NXPH1: variants seen among roughly 807,000 people sequenced by gnomAD.
NXPH1 encodes the protein neurexophilin-1.
NXPH1 carries 5 observed loss-of-function variants against 23.7 expected under a neutral mutation model. That is an observed-to-expected ratio of 0.21 (90% CI 0.11 to 0.44). NXPH1 has a LOEUF of 0.44. Among genes scored for constraint, NXPH1 ranks in the 20% least tolerant of loss-of-function variants. The pLI is 0.99. For synonymous variants in NXPH1, 144 were observed against 122.2 expected (o/e 1.18, Z -1.18); for missense variants, 324 against 321.6 (o/e 1.01, Z -0.06).
At chr7:8,462,686 T>C (rs1816715651) in intron 2 of NXPH1, among the ~76,000 whole-genome samples, 1 of 152,370 alleles carries the variant, frequency 6.6e-6, no homozygotes, top group Non-Finnish European at 1.5e-5. Flanking sequence ...GATCCCACAA[T>C]GTATAGATAT....
At chr7:8,667,937 ATTCT>A (rs1386136724) in intron 2 of NXPH1, among the ~76,000 whole-genome samples, 1 of 151,686 alleles carries the variant, frequency 6.6e-6, no homozygotes, top group East Asian at 1.9e-4. Flanking sequence ...GAGTTCACAG[ATTCT>A]TTCTTCTGCT....
chr7:8,612,351 G>A (rs1357579997), intron 2 of NXPH1, among the ~76,000 whole-genome samples: 1 of 151,422 alleles, frequency 6.6e-6, no homozygotes, highest in East Asian at 1.9e-4. Context: ...CTGCAATAAA[G>A]GCTGTTTTGG....
chr7:8,613,458 C>A (rs538603685), intron 2 of NXPH1, among the ~76,000 whole-genome samples: 1 of 151,928 alleles, frequency 6.6e-6, no homozygotes. Context: ...TAATTTCTTT[C>A]TTTGATTCCT....
chr7:8,641,480 A>G (rs1209346625), intron 2 of NXPH1, among the ~76,000 whole-genome samples: 2 of 152,114 alleles, frequency 1.3e-5, no homozygotes, highest in Non-Finnish European at 2.9e-5. Context: ...CAAATTTTAA[A>G]CATTTATCAG....
intron 2 of NXPH1, among the ~76,000 whole-genome samples, chr7:8,582,655 T>C (rs1818903161): frequency 1.3e-5 from 2 of 152,118 alleles, no homozygotes; most frequent in Non-Finnish European, 2.9e-5. Context: ...TGGCTGTGTC[T>C]AGGGGGTTTT....
At chr7:8,531,980 C>T (rs898249031) in intron 2 of NXPH1, among the ~76,000 whole-genome samples, 1 of 152,130 alleles carries the variant, frequency 6.6e-6, no homozygotes, top group Non-Finnish European at 1.5e-5. Context: ...TAACTACTTC[C>T]CAAATGGAGG....
At chr7:8,479,577 C>T (rs888554290) in intron 2 of NXPH1, among the ~76,000 whole-genome samples, 1 of 152,114 alleles carries the variant, frequency 6.6e-6, no homozygotes, top group Non-Finnish European at 1.5e-5. Context: ...AAAAAGCACT[C>T]CTAGCATCCA....
chr7:8,730,503 A>C (rs1183065698), intron 2 of NXPH1, among the ~76,000 whole-genome samples: 1 of 151,584 alleles, frequency 6.6e-6, no homozygotes, highest in African/African-American at 2.4e-5. Flanking sequence ...CATGTTTAGC[A>C]CTTCCTTCAG....
At chr7:8,617,337 A>G (rs550696876) in intron 2 of NXPH1, among the ~76,000 whole-genome samples, 1 of 152,152 alleles carries the variant, frequency 6.6e-6, no homozygotes, top group Non-Finnish European at 1.5e-5. Context: ...TCAGTATATC[A>G]AAGAGATATT....
At chr7:8,666,664 A>G (rs1005293941) in intron 2 of NXPH1, among the ~76,000 whole-genome samples, 1 of 152,058 alleles carries the variant, frequency 6.6e-6, no homozygotes, top group Non-Finnish European at 1.5e-5. Context: ...GTCCTGGCTT[A>G]TCTTTGCTAG....
intron 2 of NXPH1, among the ~76,000 whole-genome samples, chr7:8,458,198 G>T (rs1256030330): frequency 6.6e-6 from 1 of 152,178 alleles, no homozygotes; most frequent in Non-Finnish European, 1.5e-5. Flanking sequence ...GAACAACGGT[G>T]TTGCAAAGAG....
chr7:8,501,867 G>T (rs1231096476), intron 2 of NXPH1, among the ~76,000 whole-genome samples: 4 of 152,074 alleles, frequency 2.6e-5, no homozygotes, highest in African/African-American at 9.7e-5. Flanking sequence ...CAATGAAGAC[G>T]GCAATTAGAG....
At chr7:8,739,182 A>G (rs1449127115) in intron 2 of NXPH1, among the ~76,000 whole-genome samples, 1 of 111,022 alleles carries the variant, frequency 9.0e-6, no homozygotes, top group African/African-American at 2.8e-5. Context: ...AAAAAAAAAA[A>G]AAAAAAAAAA....
chr7:8,532,336 C>G (rs1415033922), intron 2 of NXPH1, among the ~76,000 whole-genome samples: 2 of 151,946 alleles, frequency 1.3e-5, no homozygotes, highest in African/African-American at 4.8e-5. Context: ...AAATCAATCC[C>G]GCTCAAACAG....
intron 2 of NXPH1, among the ~76,000 whole-genome samples, chr7:8,456,341 T>C (rs750409420): frequency 5.9e-5 from 9 of 152,208 alleles, no homozygotes; most frequent in Non-Finnish European, 1.0e-4. Context: ...TGAATGCATA[T>C]TATAATTGTT....
In NXPH1 at chr7:8,480,158, G is replaced by C. The variant is rs181031702; in HGVS notation, c.54+44391G>C. 2.0e-5 allele frequency among the ~76,000 whole-genome samples: 3 copies of C among 152,086 alleles called. No homozygotes were observed. The East Asian group carries it at 5.8e-4, about 29-fold the overall frequency. ...GGTAGCTGACATAGGTCTATATTTTGATATAGGTGGTGGTTGCAGGAAGTT... is the reference window on the plus strand; with the variant it reads ...GGTAGCTGACATAGGTCTATATTTTCATATAGGTGGTGGTTGCAGGAAGTT... On this transcript the variant is annotated intron_variant, in intron 2 of 2. Transcript: ENST00000405863.
chr7:8,467,061 G>T (rs1336588048), intron 2 of NXPH1, among the ~76,000 whole-genome samples: 3 of 152,158 alleles, frequency 2.0e-5, no homozygotes, highest in Non-Finnish European at 4.4e-5. Flanking sequence ...ATATACAGCA[G>T]CTAGCACACT....
Position 8,751,628 on chromosome 7 carries a change from T to C in NXPH1, c.675T>C (p.Ser225=). Reference sequence around the variant, plus strand: ...CCTGTTACCAGGAGCAAACCCAAAGTCATGTATCCTGGCTCTGCTCCAAGC... The same window carrying C: ...CCTGTTACCAGGAGCAAACCCAAAGCCATGTATCCTGGCTCTGCTCCAAGC... ...SKTCYQEQTQ[S]HVSWLCSKPF... The change falls in exon 3 of 3, where the codon AGT becomes AGC. Residue 225 remains serine (S), a synonymous_variant. Coordinates refer to ENST00000405863, the MANE Select transcript of NXPH1 (RefSeq NM_152745.3). The surrounding 1 kb of genome is among the most constrained non-coding windows in gnomAD (Gnocchi z 4.5). 6.2e-7 allele frequency: 1 copy of C among 1,613,556 alleles called. No individual in the cohort carries two copies. Among genetic ancestry groups the C allele is most frequent in the Non-Finnish European group, 8.5e-7 (1 of 1,179,752 alleles).
intron 2 of NXPH1, among the ~76,000 whole-genome samples, chr7:8,720,131 G>GCTTCCAGGATTGAAACCTGA (rs57645929): frequency 0.65 from 98,593 of 151,966 alleles, 33,550 homozygotes; most frequent in African/African-American, 0.86. Context: ...CAAGGATTGG[G>GCTTCCAGGATTGAAACCTGA]GAATGCCTCT....
Sources: gnomAD v4.1 joint callset for allele counts (sites outside exome capture counted in the v4.1 genomes callset) on GRCh38, gnomAD v4.1.1 for gene constraint, Gnocchi (gnomAD v3.1) non-coding constraint, MANE v1.5 for transcripts, NCBI Gene and HGNC (gene_info 2026-07-23, HGNC 2026-07-21) for gene names.